The following NAV1 variants were observed in gnomAD, a reference collection of about 807,000 sequenced individuals.
The protein encoded by NAV1 is pore membrane and/or filament interacting like protein 3.
A neutral mutation model predicts 175.2 loss-of-function variants in NAV1; 18 were observed. That is an observed-to-expected ratio of 0.10 (90% confidence interval 0.07 to 0.15). The LOEUF is 0.15. Ranked by LOEUF, NAV1 falls within the 10% of genes least tolerant of loss-of-function variation. The pLI is 1.00. For missense variants in NAV1, 1,731 were observed against 2,436.6 expected (o/e 0.71, Z 6.10); for synonymous variants, 897 against 978.7 (o/e 0.92, Z 1.56).
chr1:201,600,306 T>G (rs1334840217), intron 2 of NAV1, among the ~76,000 whole-genome samples: 1 of 152,248 alleles, frequency 6.6e-6, no homozygotes, highest in Non-Finnish European at 1.5e-5. Context: ...CCATGCCCTG[T>G]GTGGTGCTAT....
At chr1:201,664,541 C>G (rs1440088021) in intron 1 of NAV1, among the ~76,000 whole-genome samples, 1 of 152,196 alleles carries the variant, frequency 6.6e-6, no homozygotes, top group Non-Finnish European at 1.5e-5. Flanking sequence ...GAAAAGCGCC[C>G]CAAAATTGAT....
intron 2 of NAV1, among the ~76,000 whole-genome samples, chr1:201,639,642 T>C (rs1479945167): frequency 1.3e-5 from 2 of 151,920 alleles, no homozygotes; most frequent in Admixed American, 6.5e-5. Context: ...GAGGGGCCAG[T>C]TTTTTGGATT....
chr1:201,743,113 G>A (rs1022797598), intron 3 of NAV1, among the ~76,000 whole-genome samples: 6 of 152,184 alleles, frequency 3.9e-5, no homozygotes, highest in African/African-American at 1.2e-4. Context: ...TGAGGCACAA[G>A]GAGGTTAAGT....
chr1:201,773,476 A>T (rs548833480), intron 3 of NAV1, among the ~76,000 whole-genome samples: 114 of 152,350 alleles, frequency 7.5e-4, no homozygotes, highest in Non-Finnish European at 1.3e-3. Flanking sequence ...GGAGGAGTAG[A>T]ACTGATAAGA....
exon 30 of NAV1, chr1:201,821,062 C>T (rs986975175): frequency 6.6e-5 from 10 of 152,264 alleles, no homozygotes; most frequent in African/African-American, 2.2e-4. Flanking sequence ...CTTTTGAGAG[C>T]ACACGTTCTG....
chr1:201,563,998 G>A (rs927914108), intron 1 of NAV1, among the ~76,000 whole-genome samples: 3 of 152,182 alleles, frequency 2.0e-5, no homozygotes, highest in South Asian at 2.1e-4. Context: ...TCAGGAGGCT[G>A]GAGTGGGAAG....
At chr1:201,733,107 A>G (rs111502193) in intron 3 of NAV1, among the ~76,000 whole-genome samples, 63,936 of 148,702 alleles carry the variant, frequency 0.43, 13,675 homozygotes, top group Middle Eastern at 0.48. Flanking sequence ...AGGGCCAGGC[A>G]TGGTGGCTTA....
At chr1:201,732,453 A>T (rs1230039342) in intron 3 of NAV1, among the ~76,000 whole-genome samples, 1 of 152,010 alleles carries the variant, frequency 6.6e-6, no homozygotes, top group Non-Finnish European at 1.5e-5. Flanking sequence ...TGCTGGGATT[A>T]CAGGCATGAG....
intron 1 of NAV1, among the ~76,000 whole-genome samples, chr1:201,563,289 C>T (rs1666257041): frequency 2.6e-5 from 4 of 151,970 alleles, no homozygotes; most frequent in Admixed American, 2.6e-4. Context: ...ACGCCGGGAC[C>T]CAGCCTGGAT....
At position 201,808,493 on chromosome 1, in the gene NAV1, A is replaced by G; in HGVS notation, c.3921A>G (p.Val1307=). ...AGGAGGAGCCAGAGAAGAAGGAGGT[A>G]TCGGAGCTGCGCTCTGAGCTATGGG... The change falls in exon 19 of 30, where the codon GTA becomes GTG. Residue 1307 remains valine, a synonymous_variant. Transcript: ENST00000367296. This position sits in a 1 kb window ranked among gnomAD's most constrained non-coding sequence, Gnocchi z 5.5. 3.1e-6 allele frequency: 5 copies of G among 1,614,256 alleles called. No individual in the cohort carries two copies. Among genetic ancestry groups the G allele is most frequent in the Non-Finnish European group, 4.2e-6 (5 of 1,180,032 alleles).
intron 1 of NAV1, among the ~76,000 whole-genome samples, chr1:201,687,049 C>T (rs963231422): frequency 4.6e-5 from 7 of 152,190 alleles, no homozygotes; most frequent in Non-Finnish European, 8.8e-5. Flanking sequence ...AATGCTTTTT[C>T]CTTTCTCCCT....
chr1:201,684,912 C>G (rs146818577), intron 1 of NAV1, among the ~76,000 whole-genome samples: 4 of 148,834 alleles, frequency 2.7e-5, no homozygotes, highest in Admixed American at 2.7e-4. Flanking sequence ...CAGTGAGCCA[C>G]GATCATGCTA....
At chr1:201,540,365 T>C (rs1429303720) in intron 1 of NAV1, among the ~76,000 whole-genome samples, 1 of 152,214 alleles carries the variant, frequency 6.6e-6, no homozygotes, top group Non-Finnish European at 1.5e-5. Context: ...TGGGATACCA[T>C]TGGCTCGTTC....
intron 1 of NAV1, among the ~76,000 whole-genome samples, chr1:201,573,902 A>T (rs1666618945): frequency 6.6e-6 from 1 of 152,068 alleles, no homozygotes; most frequent in Non-Finnish European, 1.5e-5. Flanking sequence ...AAACAATTTT[A>T]AAAATTAGCC....
At chr1:201,619,000 T>G (rs1668079471), upstream of NAV1, among the ~76,000 whole-genome samples, 1 of 151,938 alleles carries the variant, frequency 6.6e-6, no homozygotes, top group African/African-American at 2.4e-5. Flanking sequence ...CCTCCCAGGC[T>G]CCCACCTGGG....
At chr1:201,590,875 C>T (rs1667171694) in intron 2 of NAV1, among the ~76,000 whole-genome samples, 1 of 152,210 alleles carries the variant, frequency 6.6e-6, no homozygotes, top group Admixed American at 6.5e-5. Flanking sequence ...TGTTAACCAG[C>T]TTGTCGATGA....
chr1:201,753,093 C>A (rs576622246), intron 3 of NAV1, among the ~76,000 whole-genome samples: 1 of 152,064 alleles, frequency 6.6e-6, no homozygotes, highest in African/African-American at 2.4e-5. Flanking sequence ...ACTCACACCC[C>A]CTAAGCAAAG....
At chr1:201,561,543 C>A (rs920462237) in intron 1 of NAV1, among the ~76,000 whole-genome samples, 2 of 152,220 alleles carry the variant, frequency 1.3e-5, no homozygotes, top group African/African-American at 4.8e-5. Context: ...TAGTAGCTGG[C>A]ATATGCTAGA....
chr1:201,739,864 G>A, intron 3 of NAV1: 2 of 1,281,322 alleles, frequency 1.6e-6, no homozygotes, highest in Admixed American at 4.2e-5. Context: ...AGCCCTGGTG[G>A]TGGGGAGAAA....
Sources: gnomAD v4.1 joint callset for allele counts (sites outside exome capture counted in the v4.1 genomes callset) on GRCh38, gnomAD v4.1.1 for gene constraint, Gnocchi (gnomAD v3.1) non-coding constraint, MANE v1.5 for transcripts, NCBI Gene and HGNC (gene_info 2026-07-23, HGNC 2026-07-21) for gene names.